The following USP24 variants were observed in gnomAD, a reference collection of about 807,000 sequenced individuals.
USP24 encodes the protein ubiquitin specific peptidase 24, also known as ubiquitin carboxyl-terminal hydrolase 24.
USP24 carries 97 observed loss-of-function variants against 361.6 expected under a neutral mutation model. The observed-to-expected ratio is 0.27, with a 90% confidence interval of 0.23 to 0.32. USP24 has a LOEUF of 0.32. Ranked by LOEUF, USP24 falls within the 10% of genes least tolerant of loss-of-function variation. USP24 has a pLI of 1.00. For synonymous variants in USP24, 1,098 were observed against 1,124.6 expected, an observed-to-expected ratio of 0.98 and a Z score of 0.47; for missense variants, 2,353 against 3,165.6, an observed-to-expected ratio of 0.74 and a Z score of 6.16.
At chr1:55,178,787 A>G (rs1324422059) in intron 1 of USP24, among the ~76,000 whole-genome samples, 1 of 152,032 alleles carries the variant, frequency 6.6e-6, no homozygotes, top group Non-Finnish European at 1.5e-5. Flanking sequence ...GCACTTTGGG[A>G]GGCTGAGGTG....
chr1:55,096,653 A>C lies in USP24; in HGVS notation c.5937-31T>G, dbSNP rs764207925. On this transcript the variant is annotated intron_variant, in intron 49 of 67. Transcript: ENST00000294383. Reference sequence around the variant, plus strand: ...ACCCAGAGATCAGACAAACATTATAAGGTTAAAAAAATCAACCTCCTCATC... The same window carrying C: ...ACCCAGAGATCAGACAAACATTATACGGTTAAAAAAATCAACCTCCTCATC... The C allele has an allele frequency of 2.5e-6, 4 of 1,590,614 alleles. No individual in the cohort carries two copies. In the South Asian group the frequency reaches 3.5e-5, roughly 14 times the overall value.
rs765463214 is a variant in USP24, at chr1:55,073,252, C to A, written c.7527-391G>T. Among the ~76,000 whole-genome samples the A allele has an allele frequency of 1.1e-4, 16 of 152,194 alleles. No individual in the cohort carries two copies. In the East Asian group the frequency reaches 2.7e-3, roughly 26 times the overall value. ...TTCACCACAATTAAAAAAAAAAGAA[C>A]CTTCATTTTGCAGTCAATCAGCCTG... On this transcript the variant is annotated intron_variant, in intron 64 of 67. Transcript: ENST00000294383.
chr1:55,082,254 T>C (rs1171409934), intron 58 of USP24, among the ~76,000 whole-genome samples: 2 of 152,196 alleles, frequency 1.3e-5, no homozygotes, highest in Non-Finnish European at 2.9e-5. Context: ...CTTGGACAAC[T>C]TACTTAACAT....
chr1:55,123,236 C>T lies in USP24; in HGVS notation c.4276+211G>A, dbSNP rs193257565. 2.8e-3 allele frequency among the ~76,000 whole-genome samples: 423 copies of T among 152,342 alleles called. 3 individuals carry two copies. Among genetic ancestry groups the T allele is most frequent in the African/African-American group, 9.6e-3 (400 of 41,580 alleles). ...TGCAGACATACTGCTCTGGTGACAGCAACTGCGGAACCTCATATACAGAAG... is the reference window on the plus strand; with the variant it reads ...TGCAGACATACTGCTCTGGTGACAGTAACTGCGGAACCTCATATACAGAAG... On this transcript the variant is annotated intron_variant, in intron 36 of 67. Coordinates refer to ENST00000294383, the MANE Select transcript of USP24 (RefSeq NM_015306.3).
chr1:55,088,697 G>A (rs530354286), intron 55 of USP24, among the ~76,000 whole-genome samples: 10 of 152,186 alleles, frequency 6.6e-5, no homozygotes, highest in African/African-American at 2.2e-4. Context: ...GGGGAATAGA[G>A]GAGACAGGAC....
At chr1:55,152,495 G>A (rs753807083) in intron 16 of USP24, among the ~76,000 whole-genome samples, 2 of 152,134 alleles carry the variant, frequency 1.3e-5, no homozygotes, top group Non-Finnish European at 2.9e-5. Flanking sequence ...TAAAAGAAAC[G>A]TGTCTGTTGC....
intron 35 of USP24, among the ~76,000 whole-genome samples, chr1:55,123,818 G>A (rs1646349377): frequency 6.6e-6 from 1 of 152,156 alleles, no homozygotes; most frequent in Non-Finnish European, 1.5e-5. Flanking sequence ...GTGTTCACAA[G>A]GCAAAACTAA....
chr1:55,092,789 T>A (rs776809047), intron 53 of USP24, 32 bp downstream of exon 53: 6 of 1,433,688 alleles, frequency 4.2e-6, no homozygotes, highest in Non-Finnish European at 5.8e-6. Flanking sequence ...TGTAACCCTT[T>A]CTTATTTCTA....
Position 55,079,660 on chromosome 1 carries a change from C to A in USP24, c.7079-1G>T. 6.5e-7 allele frequency: 1 copy of A among 1,532,178 alleles called. No homozygotes were observed. The highest frequency in any genetic ancestry group is 8.7e-7 in the Non-Finnish European group (1 of 1,150,398). 94.9% of individuals were successfully genotyped at this position (1,532,178 alleles called of 1,614,324 possible). A position where few individuals can be genotyped will look rare whatever the true frequency, so the allele number is the denominator to read the frequency against. ...GGTCGTTGCTTAAATATGCCAGGAG[C>A]TTTAGGAGACCAAAGAAACAAAACA... On this transcript the variant is annotated splice_acceptor_variant, in intron 59 of 67. Coordinates refer to ENST00000294383, the MANE Select transcript of USP24 (RefSeq NM_015306.3). LOFTEE classifies it high-confidence loss of function.
intron 20 of USP24, 79 bp downstream of exon 20, chr1:55,145,919 A>C: frequency 9.8e-7 from 1 of 1,023,188 alleles, no homozygotes; most frequent in Non-Finnish European, 1.5e-6. Context: ...GCTTCTGAGA[A>C]GGAGGATTAA....
rs71822893 is a variant in USP24 at position 55,207,281 on chromosome 1, GAA to G, written c.324+7507_324+7508del. Reference sequence around the variant, plus strand: ...GACAATATAGGAGAAATGGAAAGGGGAAAAAAAAAAAAAAAGGAAATGCTGAA... The same window carrying G: ...GACAATATAGGAGAAATGGAAAGGGGAAAAAAAAAAAAAGGAAATGCTGAA... On this transcript the variant is annotated intron_variant, in intron 1 of 67. Transcript: ENST00000294383. 1.4e-3 allele frequency among the ~76,000 whole-genome samples: 192 copies of G among 133,154 alleles called. 4 individuals are homozygous for G. The South Asian group carries it at 0.029, about 20-fold the overall frequency. 87.4% of individuals were successfully genotyped at this position (133,154 alleles called of 152,430 possible).
intron 67 of USP24, among the ~76,000 whole-genome samples, chr1:55,070,753 T>C (rs1390817642): frequency 6.6e-6 from 1 of 152,166 alleles, no homozygotes; most frequent in Non-Finnish European, 1.5e-5. Flanking sequence ...ACCAGTGTGC[T>C]GAGACGTCGC....
intron 31 of USP24, among the ~76,000 whole-genome samples, chr1:55,131,631 C>T (rs560552763): frequency 3.0e-4 from 45 of 152,226 alleles, no homozygotes; most frequent in Admixed American, 2.6e-3. Flanking sequence ...GAAAAGTTAT[C>T]ACATCATACA....
At chr1:55,152,843 T>C (rs1346318640) in intron 16 of USP24, among the ~76,000 whole-genome samples, 1 of 152,124 alleles carries the variant, frequency 6.6e-6, no homozygotes, top group African/African-American at 2.4e-5. Flanking sequence ...TGCCCCCAAC[T>C]AAACTTTGTG....
intron 42 of USP24, among the ~76,000 whole-genome samples, chr1:55,102,161 G>C (rs1195548387): frequency 6.6e-6 from 1 of 152,142 alleles, no homozygotes; most frequent in African/African-American, 2.4e-5. Context: ...AAAAAGGAAT[G>C]TGAGTCTACG....
At chr1:55,147,102 C>G (rs768691887) in intron 18 of USP24, 42 bp from the exon 19 acceptor site, 12 of 1,493,350 alleles carry the variant, frequency 8.0e-6, no homozygotes, top group Non-Finnish European at 1.1e-5. Flanking sequence ...TCCAGGCATT[C>G]ATTCCTAAAA....
At chr1:55,110,962 G>C (rs888159161) in intron 38 of USP24, among the ~76,000 whole-genome samples, 1 of 151,982 alleles carries the variant, frequency 6.6e-6, no homozygotes, top group Non-Finnish European at 1.5e-5. Context: ...ACAAACTAAT[G>C]AGGAGAATAT....
In USP24 at chr1:55,081,136, T is replaced by C. The variant is rs536882326; in HGVS notation, c.7078+186A>G. On this transcript the variant is annotated intron_variant, in intron 59 of 67. Transcript: ENST00000294383. ...CTCTCCCAAATGAATGATGACTCAC[T>C]TTCTCTTATGGCAAACTAGTAAAAT... Among the ~76,000 whole-genome samples, 5 of 152,260 alleles carry C rather than the reference T, an allele frequency of 3.3e-5. No homozygotes were observed. The South Asian group carries it at 1.0e-3, about 32-fold the overall frequency.
At position 55,124,601 on chromosome 1, in the gene USP24, T is replaced by C; in HGVS notation, c.3988A>G (p.Thr1330Ala). The C allele has an allele frequency of 6.2e-7, 1 of 1,613,956 alleles. No individual in the cohort carries two copies. Among genetic ancestry groups the C allele is most frequent in the Non-Finnish European group, 8.5e-7 (1 of 1,179,882 alleles). ...QTMEVSDFTSTVACFMRLSWA... is the reference protein window; with the variant it reads ...QTMEVSDFTSAVACFMRLSWA... ...GACAATCTCATGAAGCAAGCCACAG[T>C]AGAAGTGAAATCACTTACTTCCATT... Residue 1330 changes from threonine (T) to alanine (A), a missense_variant, in exon 35 of 68, where the codon ACT (threonine) becomes GCT (alanine). Thr to Ala is a moderately conservative substitution (Grantham distance 58, BLOSUM62 0). Around this residue, in one of 8 missense-constraint regions of USP24, gnomAD observed 949 missense variants for 1,280.5 expected, o/e 0.74. Transcript: ENST00000294383.
Sources: gnomAD v4.1 joint callset for allele counts (sites outside exome capture counted in the v4.1 genomes callset) on GRCh38, gnomAD v4.1.1 for gene constraint, gnomAD v4.1.1 regional missense constraint, MANE v1.5 for transcripts, NCBI Gene and HGNC (gene_info 2026-07-23, HGNC 2026-07-21) for gene names.